Variants in STPG2 observed in about 807,000 individuals in gnomAD.
The protein encoded by STPG2 is sperm tail PG-rich repeat containing 2.
STPG2 carries 56 observed loss-of-function variants against 54.2 expected under a neutral mutation model. The observed-to-expected ratio is 1.03, with a 90% CI of 0.83 to 1.29. STPG2 has a LOEUF of 1.29. Ranked by LOEUF, STPG2 falls within the 50% of genes most tolerant of loss-of-function variation. The pLI is 0.00. For synonymous variants in STPG2, 200 were observed against 181.8 expected, an observed-to-expected ratio of 1.10 and a Z score of -0.81; for missense variants, 596 against 544.9, an observed-to-expected ratio of 1.09 and a Z score of -0.93.
At chr4:97,808,260 C>T (rs1322359153) in intron 9 of STPG2, among the ~76,000 whole-genome samples, 1 of 151,808 alleles carries the variant, frequency 6.6e-6, no homozygotes, top group Non-Finnish European at 1.5e-5. Context: ...CAAACCAATA[C>T]TAATGTTCTT....
chr4:97,905,586 G>C (rs2149192585), intron 8 of STPG2, among the ~76,000 whole-genome samples: 1 of 151,688 alleles, frequency 6.6e-6, no homozygotes, highest in Admixed American at 6.6e-5. Flanking sequence ...ATAATGACAG[G>C]ATCAAATTCA....
chr4:97,921,105 T>C (rs1440079956), intron 8 of STPG2, among the ~76,000 whole-genome samples: 2 of 152,170 alleles, frequency 1.3e-5, no homozygotes, highest in African/African-American at 4.8e-5. Context: ...TTACATTATT[T>C]GTGTCACTCC....
In STPG2 at chr4:98,019,904, A is replaced by G. The variant is rs913654692; in HGVS notation, c.613-38586T>C. ...CTTTGCTGAAGTTGCTTATCAGCTT[A>G]AGGAGATTTTGGGCTGAGACAATGG... On this transcript the variant is annotated intron_variant, in intron 5 of 10. Transcript: ENST00000295268. Among the ~76,000 whole-genome samples the G allele has an allele frequency of 6.6e-5, 8 of 121,156 alleles. 1 individual carries two copies. Among genetic ancestry groups the G allele is most frequent in the African/African-American group, 2.6e-4 (8 of 30,308 alleles). The allele number at this position is 121,156 out of a possible 152,430, so 79.5% of individuals were successfully genotyped here.
chr4:98,142,943 T>C, intron 1 of STPG2, 99 bp downstream of exon 1: 1 of 987,080 alleles, frequency 1.0e-6, no homozygotes, highest in South Asian at 1.4e-5. Context: ...TACAAAATGG[T>C]ACTATTCCGC....
At chr4:97,817,334 T>C (rs1000468058) in intron 9 of STPG2, among the ~76,000 whole-genome samples, 2 of 151,788 alleles carry the variant, frequency 1.3e-5, no homozygotes, top group Admixed American at 6.6e-5. Context: ...TTACTAATAA[T>C]GATTACTCTT....
intron 4 of STPG2, among the ~76,000 whole-genome samples, chr4:97,470,977 C>T (rs1288735151): frequency 6.6e-6 from 1 of 152,090 alleles, no homozygotes; most frequent in South Asian, 2.1e-4. Context: ...ATTACAATAT[C>T]GATGGTTGGG....
At chr4:97,771,495 G>A (rs1342102595) in intron 9 of STPG2, among the ~76,000 whole-genome samples, 1 of 152,092 alleles carries the variant, frequency 6.6e-6, no homozygotes. Context: ...TGTAGTTGGT[G>A]GGCAAGCAGG....
intron 10 of STPG2, among the ~76,000 whole-genome samples, chr4:97,578,742 A>AG (rs1211494933): frequency 1.3e-5 from 2 of 152,166 alleles, no homozygotes; most frequent in Non-Finnish European, 2.9e-5. Context: ...CCAAAAAGAA[A>AG]GGGTTCCAGT....
At position 97,908,315 on chromosome 4, in the gene STPG2, A is replaced by G. The variant is rs1731529890; in HGVS notation, c.1044+35582T>C. 2.0e-5 allele frequency among the ~76,000 whole-genome samples: 3 copies of G among 152,150 alleles called. 1 individual carries two copies. The South Asian group carries it at 6.2e-4, about 32-fold the overall frequency. On this transcript the variant is annotated intron_variant, in intron 8 of 10. Transcript: ENST00000295268. ...AAATGCAAATCAAAACCACAATGAG[A>G]TACCATCTCACACCACTTAGAATGG...
At chr4:97,895,475 C>A (rs1433710378) in intron 8 of STPG2, among the ~76,000 whole-genome samples, 1 of 151,786 alleles carries the variant, frequency 6.6e-6, no homozygotes, top group African/African-American at 2.4e-5. Flanking sequence ...TTTATAAAGT[C>A]ATAATTATTC....
At position 98,056,932 on chromosome 4, in the gene STPG2, G is replaced by GC. The variant is rs199955317; in HGVS notation, c.612+49020dup. On this transcript the variant is annotated intron_variant, in intron 5 of 10. Transcript: ENST00000295268. ...CTATCATGATTGTAAGTTTCCGGAG[G>GC]CCCCCCCAACCATGTGTCCTGGATA... is the stretch of plus-strand genomic sequence containing the variant. Among the ~76,000 whole-genome samples the GC allele has an allele frequency of 5.2e-3, 657 of 125,982 alleles. 3 individuals are homozygous for GC. Among genetic ancestry groups the GC allele is most frequent in the South Asian group, 0.031 (117 of 3,818 alleles). The allele number at this position is 125,982 out of a possible 152,430, so 82.6% of individuals were successfully genotyped here. A position where few individuals can be genotyped will look rare whatever the true frequency, so the allele number is the denominator to read the frequency against.
At chr4:97,573,257 T>C (rs547159470) in intron 10 of STPG2, among the ~76,000 whole-genome samples, 125 of 152,200 alleles carry the variant, frequency 8.2e-4, no homozygotes, top group African/African-American at 2.9e-3. Context: ...CTTACTTTGA[T>C]AAAATGAAAA....
At chr4:97,518,076 T>C (rs1731110532) in intron 4 of STPG2, among the ~76,000 whole-genome samples, 1 of 152,124 alleles carries the variant, frequency 6.6e-6, no homozygotes, top group Non-Finnish European at 1.5e-5. Context: ...CTGCCATTAG[T>C]AGCTTTTAAG....
Position 97,772,403 on chromosome 4 carries a change from A to C in STPG2, c.1205-59589T>G, listed in dbSNP as rs528177367. 2.0e-5 allele frequency among the ~76,000 whole-genome samples: 3 copies of C among 152,336 alleles called. No homozygotes were observed. The South Asian group carries it at 6.2e-4, about 32-fold the overall frequency. On this transcript the variant is annotated intron_variant, in intron 9 of 10. Transcript: ENST00000295268. ...TACAAAACAATTATTAAGAACTGTC[A>C]GTTTTTAATGTAAATAGTGAATATA...
chr4:97,800,499 T>G (rs1486112387), intron 9 of STPG2, among the ~76,000 whole-genome samples: 1 of 152,230 alleles, frequency 6.6e-6, no homozygotes, highest in Non-Finnish European at 1.5e-5. Context: ...GAATAGCGAA[T>G]ATTGCTGAAC....
At chr4:97,551,692 T>C (rs772488607) in intron 4 of STPG2, among the ~76,000 whole-genome samples, 2 of 152,262 alleles carry the variant, frequency 1.3e-5, no homozygotes, top group Non-Finnish European at 2.9e-5. Context: ...ACTGTAGTTA[T>C]TATTTTGCAA....
intron 5 of STPG2, among the ~76,000 whole-genome samples, chr4:98,078,165 A>C (rs1445497687): frequency 1.3e-5 from 2 of 152,164 alleles, no homozygotes; most frequent in Admixed American, 1.3e-4. Flanking sequence ...AAAAGTAGGG[A>C]ACTGTGTTTC....
intron 10 of STPG2, among the ~76,000 whole-genome samples, chr4:97,689,831 A>C (rs1723308958): frequency 6.6e-6 from 1 of 152,074 alleles, no homozygotes; most frequent in Non-Finnish European, 1.5e-5. Flanking sequence ...AAAGATAATT[A>C]AGATTGTCTT....
intron 5 of STPG2, among the ~76,000 whole-genome samples, chr4:98,011,431 A>C (rs1340512122): frequency 6.6e-6 from 1 of 152,070 alleles, no homozygotes; most frequent in Non-Finnish European, 1.5e-5. Flanking sequence ...ATGTGTGCAT[A>C]TGTCTTTATA....
Sources: gnomAD v4.1 joint callset for allele counts (sites outside exome capture counted in the v4.1 genomes callset) on GRCh38, gnomAD v4.1.1 for gene constraint, MANE v1.5 for transcripts, NCBI Gene and HGNC (gene_info 2026-07-23, HGNC 2026-07-21) for gene names.